Variants in RFX3 observed in about 807,000 individuals in gnomAD.
The protein encoded by RFX3 is regulatory factor X3.
In RFX3, 14 loss-of-function variants were observed where a neutral mutation model predicts 98.6. The ratio of observed to expected loss-of-function variants is 0.14; its 90% CI spans 0.09 to 0.22. The LOEUF is 0.22. Ranked by LOEUF, RFX3 falls within the 10% of genes least tolerant of loss-of-function variation. The pLI is 1.00. For missense variants in RFX3, 639 were observed against 926.9 expected, an observed-to-expected ratio of 0.69 and a Z score of 4.03; for synonymous variants, 383 against 328.4, an observed-to-expected ratio of 1.17 and a Z score of -1.80.
At chr9:3,434,640 C>T (rs1448800995) in intron 1 of RFX3, among the ~76,000 whole-genome samples, 3 of 152,022 alleles carry the variant, frequency 2.0e-5, no homozygotes, top group Admixed American at 6.6e-5. Context: ...TAAAGATAAA[C>T]GTCACCTCTT....
rs779405805 is a variant in RFX3, at chr9:3,277,359, T to G, written c.954A>C (p.Gln318His). 6.2e-7 allele frequency: 1 copy of G among 1,612,722 alleles called. No individual in the cohort carries two copies. Among genetic ancestry groups the G allele is most frequent in the Non-Finnish European group, 8.5e-7 (1 of 1,178,974 alleles). The change falls in exon 8 of 17, where the codon CAA becomes CAC. Residue 318 changes from glutamine (Q) to histidine (H), a missense_variant. Physicochemically the swap from Gln to His is conservative, Grantham distance 24. Around this residue, in one of 9 missense-constraint regions of RFX3, gnomAD observed 86 missense variants for 113.2 expected, o/e 0.76. Coordinates refer to ENST00000617270, the MANE Select transcript of RFX3 (RefSeq NM_001282116.2). ...ACATACCTAAAAACTGTTGATGATG[T>G]TGGCTTTGGGCAATTACAGTTTGCT... Reference protein sequence around the residue: ...SVEQTVIAQSQHHQQFLDASR... With the variant: ...SVEQTVIAQSHHHQQFLDASR...
intron 2 of RFX3, among the ~76,000 whole-genome samples, chr9:3,382,239 A>C (rs9987420): frequency 0.5 from 76,100 of 152,012 alleles, 23,563 homozygotes; most frequent in African/African-American, 0.86. Context: ...CTGTACTTTA[A>C]AGAAATAAAA....
chr9:3,237,439 T>C (rs549418834), intron 15 of RFX3, among the ~76,000 whole-genome samples: 1 of 152,342 alleles, frequency 6.6e-6, no homozygotes, highest in East Asian at 1.9e-4. Context: ...ATTTCAACTT[T>C]ATCTTTGTAT....
intron 1 of RFX3, among the ~76,000 whole-genome samples, chr9:3,475,286 A>G (rs986991199): frequency 9.2e-5 from 14 of 151,962 alleles, no homozygotes; most frequent in Admixed American, 6.6e-4. Flanking sequence ...AGAAATAAAG[A>G]CACAAGACAA....
intron 2 of RFX3, among the ~76,000 whole-genome samples, chr9:3,364,133 CA>C (rs1836781521): frequency 6.6e-6 from 1 of 152,234 alleles, no homozygotes; most frequent in Non-Finnish European, 1.5e-5. Flanking sequence ...CTCGGCCTCC[CA>C]AAGTGCTGGG....
chr9:3,443,167 T>A (rs114120151), intron 1 of RFX3, among the ~76,000 whole-genome samples: 1 of 152,160 alleles, frequency 6.6e-6, no homozygotes, highest in African/African-American at 2.4e-5. Context: ...AAGAAACCAC[T>A]ACACATCCAT....
chr9:3,474,440 T>C (rs12005503), intron 1 of RFX3, among the ~76,000 whole-genome samples: 1 of 152,192 alleles, frequency 6.6e-6, no homozygotes, highest in Admixed American at 6.5e-5. Context: ...TCAAAGTTCC[T>C]TTACCTACAC....
chr9:3,294,207 T>C (rs549956597), intron 5 of RFX3, among the ~76,000 whole-genome samples: 1 of 152,178 alleles, frequency 6.6e-6, no homozygotes, highest in Admixed American at 6.6e-5. Flanking sequence ...CAAAGTCACA[T>C]ATTGTCTCCA....
At chr9:3,315,124 G>A (rs1167472700) in intron 4 of RFX3, among the ~76,000 whole-genome samples, 1 of 152,040 alleles carries the variant, frequency 6.6e-6, no homozygotes, top group Non-Finnish European at 1.5e-5. Flanking sequence ...ATAGTTGGAA[G>A]TAAAGCACTC....
chr9:3,338,958 G>T (rs910337504), intron 3 of RFX3, among the ~76,000 whole-genome samples: 2 of 151,948 alleles, frequency 1.3e-5, no homozygotes, highest in African/African-American at 4.8e-5. Flanking sequence ...GCGTGGTGGC[G>T]TGTGGCTGCA....
chr9:3,257,005 T>C lies in RFX3; in HGVS notation c.1800A>G (p.Lys600=). The change falls in exon 14 of 17, where the codon AAA becomes AAG. Residue 600 remains lysine, a synonymous_variant. Coordinates refer to ENST00000617270, the MANE Select transcript of RFX3 (RefSeq NM_001282116.2). ...CTAGATGATACCTGTAGAAAGACCA[T>C]TTTAGCAGAAACTGCCTGGCGGCTT... ...FPKAARQFLL[K]WSFYSSMVIR... is the part of the protein sequence containing the mutation. 6.2e-7 allele frequency: 1 copy of C among 1,614,084 alleles called. No homozygotes were observed. The highest frequency in any genetic ancestry group is 8.5e-7 in the Non-Finnish European group (1 of 1,179,970).
intron 6 of RFX3, among the ~76,000 whole-genome samples, chr9:3,290,708 G>C (rs1281096877): frequency 6.6e-6 from 1 of 152,134 alleles, no homozygotes; most frequent in Non-Finnish European, 1.5e-5. Flanking sequence ...ACATATTTAT[G>C]AGAGAGCTAA....
intron 4 of RFX3, among the ~76,000 whole-genome samples, chr9:3,324,827 G>T (rs569021111): frequency 7.2e-4 from 110 of 152,138 alleles, no homozygotes; most frequent in African/African-American, 2.6e-3. Context: ...AGCCAAGCAT[G>T]GTGGCGGACA....
At chr9:3,522,304 T>TG (rs1282596449) in intron 1 of RFX3, among the ~76,000 whole-genome samples, 1 of 152,174 alleles carries the variant, frequency 6.6e-6, no homozygotes, top group Non-Finnish European at 1.5e-5. Flanking sequence ...AAACATACTT[T>TG]GTCATGGCCA....
Position 3,285,663 on chromosome 9 carries a change from A to G in RFX3, c.851+2468T>C, listed in dbSNP as rs1826496503. Among the ~76,000 whole-genome samples the G allele has an allele frequency of 2.0e-5, 3 of 151,744 alleles. No individual in the cohort carries two copies. In the Admixed American group the frequency reaches 2.0e-4, roughly 10 times the overall value. ...GACATCATTTTAAGAGCAACTGTCT[A>G]TAATCCTAAACTTGTATCATTAAAA... On this transcript the variant is annotated intron_variant, in intron 7 of 16. Transcript: ENST00000617270.
At chr9:3,455,637 G>A (rs1234552356) in intron 1 of RFX3, among the ~76,000 whole-genome samples, 1 of 152,144 alleles carries the variant, frequency 6.6e-6, no homozygotes. Flanking sequence ...TTTAAAAGCT[G>A]AGCAAATATA....
intron 2 of RFX3, among the ~76,000 whole-genome samples, chr9:3,394,279 T>A (rs1022175072): frequency 6.6e-6 from 1 of 152,050 alleles, no homozygotes; most frequent in East Asian, 1.9e-4. Context: ...CTGGCTAACA[T>A]GGTGAAACCC....
chr9:3,231,460 C>T (rs1818432850), intron 15 of RFX3, among the ~76,000 whole-genome samples: 1 of 152,068 alleles, frequency 6.6e-6, no homozygotes. Context: ...GGCACTATGC[C>T]AGCCAATTCT....
intron 1 of RFX3, among the ~76,000 whole-genome samples, chr9:3,427,242 TAA>T (rs1163633922): frequency 2.1e-5 from 3 of 144,444 alleles, no homozygotes; most frequent in African/African-American, 7.5e-5. Context: ...AATATATAAA[TAA>T]AATATATATA....
Sources: allele counts gnomAD v4.1 joint callset (sites outside exome capture counted in the v4.1 genomes callset), GRCh38; gene constraint gnomAD v4.1.1; regional missense constraint gnomAD v4.1.1; transcripts MANE v1.5; gene names NCBI Gene and HGNC (gene_info 2026-07-23, HGNC 2026-07-21).